The following BRD1 variants were observed in gnomAD, a reference collection of about 807,000 sequenced individuals.
BRD1 encodes the protein bromodomain containing 1, also known as bromodomain-containing protein 1.
Under a neutral mutation model 107.7 loss-of-function variants are expected in BRD1, and 24 were observed. The ratio of observed to expected loss-of-function variants is 0.22; its 90% confidence interval spans 0.16 to 0.31. The LOEUF (loss-of-function observed/expected upper bound fraction) is 0.31, where lower values mean the gene tolerates loss of function less well. Ranked by LOEUF, BRD1 falls within the 10% of genes least tolerant of loss-of-function variation. BRD1 has a pLI of 1.00. For missense variants in BRD1, 1,279 were observed against 1,638.6 expected (o/e 0.78, Z 3.79); for synonymous variants, 744 against 686.1 (o/e 1.08, Z -1.32).
At chr22:49,776,358 T>C (rs1000845411) in intron 10 of BRD1, among the ~76,000 whole-genome samples, 199 bp from the exon 11 acceptor site, 1 of 152,168 alleles carries the variant, frequency 6.6e-6, no homozygotes, top group Non-Finnish European at 1.5e-5. Context: ...GCAGCCCACC[T>C]GGGGCCACCA....
intron 6 of BRD1, among the ~76,000 whole-genome samples, chr22:49,797,271 T>C (rs1057476625): frequency 1.3e-5 from 2 of 152,216 alleles, no homozygotes; most frequent in Non-Finnish European, 1.5e-5. Flanking sequence ...CCAGAGCCCT[T>C]TCTACAACAT....
chr22:49,777,761 G>T lies in BRD1; in HGVS notation c.2910C>A (p.Gly970=). 6.2e-7 allele frequency: 1 copy of T among 1,605,422 alleles called. No individual in the cohort carries two copies. Among genetic ancestry groups the T allele is most frequent in the South Asian group, 1.1e-5 (1 of 89,750 alleles). The change falls in exon 9 of 13, where the codon GGC becomes GGA. Residue 970 remains glycine, a synonymous_variant. Transcript: ENST00000404760. ...GARSEQEPGG[G]LGRKATPRRR... is the part of the protein sequence containing the mutation. Reference sequence around the variant, plus strand: ...GTCGGGGTGTGGCCTTCCTCCCCAGGCCGCCGCCCGGCTCCTGCTCGCTCC... The same window carrying T: ...GTCGGGGTGTGGCCTTCCTCCCCAGTCCGCCGCCCGGCTCCTGCTCGCTCC...
At chr22:49,813,264 T>C (rs967071316) in intron 2 of BRD1, among the ~76,000 whole-genome samples, 15 of 152,174 alleles carry the variant, frequency 9.9e-5, no homozygotes, top group African/African-American at 3.4e-4. Context: ...GCTCTGTCGC[T>C]AGGCTGGAGT....
chr22:49,790,630 AG>A (rs2059416458), intron 7 of BRD1, among the ~76,000 whole-genome samples: 3 of 152,344 alleles, frequency 2.0e-5, no homozygotes, highest in Admixed American at 6.5e-5. Context: ...TGTCAATCAA[AG>A]GTTTCTGTAT....
chr22:49,779,967 C>T (rs1217153690), intron 8 of BRD1, among the ~76,000 whole-genome samples: 1 of 152,118 alleles, frequency 6.6e-6, no homozygotes, highest in Non-Finnish European at 1.5e-5. Flanking sequence ...CAGCCCGGCC[C>T]CCAGCACACT....
rs1421324794 is a variant in BRD1 at position 49,774,250 on chromosome 22, G to C, written c.3553C>G (p.Leu1185Val). 1 of 1,613,764 alleles carries C rather than the reference G, an allele frequency of 6.2e-7. No individual in the cohort carries two copies. The highest frequency in any genetic ancestry group is 1.7e-5 in the Admixed American group (1 of 59,990). The change falls in exon 13 of 13, where the codon CTC (leucine) becomes GTC (valine). Residue 1185 changes from leucine (L) to valine (V), a missense_variant. Leu to Val is a conservative substitution (Grantham distance 32). This residue lies in a region of BRD1 where 136 missense variants were observed against 196.8 expected (regional missense o/e 0.69). Transcript: ENST00000404760. Reference protein sequence around the residue: ...SRVHGEPTSDLSDID With the variant: ...SRVHGEPTSDVSDID ...CCGGGCCGTCAGTCAATGTCACTGA[G>C]GTCGCTGGTCGGCTCCCCGTGGACG...
intron 2 of BRD1, chr22:49,806,224 T>C (rs2059741622): frequency 6.6e-6 from 1 of 152,238 alleles, no homozygotes; most frequent in Non-Finnish European, 1.5e-5. Flanking sequence ...TTATTTCTTC[T>C]GACCCATGAG....
At chr22:49,815,267 A>C (rs903319088) in intron 2 of BRD1, among the ~76,000 whole-genome samples, 5 of 152,226 alleles carry the variant, frequency 3.3e-5, no homozygotes, top group Admixed American at 6.5e-5. Context: ...GGCCAGGCAC[A>C]GTGGCTTATG....
Position 49,804,326 on chromosome 22 carries a change from G to A in BRD1, c.1402C>T (p.Arg468Trp). The A allele has an allele frequency of 2.5e-6, 4 of 1,608,330 alleles. No individual in the cohort carries two copies. Among genetic ancestry groups the A allele is most frequent in the South Asian group, 2.2e-5 (2 of 89,632 alleles). ...NRIANQVAIQ[R>W]KKQFVERAHS... Reference sequence around the variant, plus strand: ...GCTCGCTCCACAAACTGCTTCTTCCGCTGAATGGCCACCTGATTCGCAATC... The same window carrying A: ...GCTCGCTCCACAAACTGCTTCTTCCACTGAATGGCCACCTGATTCGCAATC... The change falls in exon 3 of 13, where the codon CGG becomes TGG. Residue 468 changes from arginine to tryptophan, a missense_variant. Around this residue, in one of 7 missense-constraint regions of BRD1, gnomAD observed 87 missense variants for 77.1 expected, o/e 1.13. Coordinates refer to ENST00000404760, the MANE Select transcript of BRD1 (RefSeq NM_001304808.3).
chr22:49,777,612 G>A (rs1409107569), intron 9 of BRD1, 66 bp downstream of exon 9: 1 of 1,563,736 alleles, frequency 6.4e-7, no homozygotes, highest in Non-Finnish European at 8.6e-7. Context: ...CGGCTTCCAG[G>A]ACAGCCAGGC....
intron 6 of BRD1, 141 bp from the exon 7 acceptor site, chr22:49,794,435 G>A: frequency 9.2e-7 from 1 of 1,090,608 alleles, no homozygotes; most frequent in Non-Finnish European, 1.3e-6. Flanking sequence ...CTGCTCACCA[G>A]AGGCCCCTCC....
intron 7 of BRD1, among the ~76,000 whole-genome samples, chr22:49,789,373 G>A (rs1028693915): frequency 1.2e-4 from 18 of 152,198 alleles, no homozygotes; most frequent in Non-Finnish European, 1.5e-4. Flanking sequence ...CCTGGTGCCT[G>A]TACAGCAGCA....
rs764535212 is a variant in BRD1 at position 49,777,153 on chromosome 22, G to A, written c.3002C>T (p.Ala1001Val). ...NSPLCDSSFN[A>V]PKCGRGKPAL... ...CGGTTTGCCCCGCCCACATTTGGGC[G>A]CATTAAAGCTTCGGGAGGAAGAGCA... Residue 1001 changes from alanine to valine, a missense_variant, in exon 10 of 13, where the codon GCG (alanine) becomes GTG (valine). Ala to Val is a moderately conservative substitution (Grantham distance 64). Coordinates refer to ENST00000404760, the MANE Select transcript of BRD1 (RefSeq NM_001304808.3). The A allele has an allele frequency of 1.4e-5, 22 of 1,612,832 alleles. No individual in the cohort carries two copies. The highest frequency in any genetic ancestry group is 1.6e-4 in the Middle Eastern group (1 of 6,076).
At chr22:49,811,135 AAAAAAAACACATTTCATAAAAGAAC>A (rs1044314591) in intron 2 of BRD1, among the ~76,000 whole-genome samples, 3 of 151,654 alleles carry the variant, frequency 2.0e-5, no homozygotes, top group African/African-American at 7.3e-5. Context: ...GTGAAAGAAC[AAAAAAAACACATTTCATAAAAGAAC>A]AAAAAAACAC....
chr22:49,827,311 C>A (rs967564134), intron 1 of BRD1, among the ~76,000 whole-genome samples, 186 bp downstream of exon 1: 1 of 150,812 alleles, frequency 6.6e-6, no homozygotes, highest in Admixed American at 6.6e-5. Context: ...CCCGGTCTCC[C>A]CGCCCGGCCT....
At chr22:49,798,220 A>G in intron 5 of BRD1, 103 bp from the exon 6 acceptor site, 1 of 1,184,682 alleles carries the variant, frequency 8.4e-7, no homozygotes. Flanking sequence ...CCTATCTGAG[A>G]GCCACACACA....
intron 4 of BRD1, 64 bp from the exon 5 acceptor site, chr22:49,798,750 G>GC (rs2059584795): frequency 6.8e-7 from 1 of 1,481,242 alleles, no homozygotes. Context: ...CCCACCACGC[G>GC]CCCCACAGCC....
At position 49,797,475 on chromosome 22, in the gene BRD1, C is replaced by T. The variant is rs917439474; in HGVS notation, c.2098+330G>A. 2.6e-5 allele frequency among the ~76,000 whole-genome samples: 4 copies of T among 152,324 alleles called. No individual in the cohort carries two copies. The East Asian group carries it at 7.7e-4, about 29-fold the overall frequency. On this transcript the variant is annotated intron_variant, in intron 6 of 12. Coordinates refer to ENST00000404760, the MANE Select transcript of BRD1 (RefSeq NM_001304808.3). The stretch of plus-strand genomic sequence containing the variant: ...GTCCTCTTGGTGGGCACCCAAAACG[C>T]AGCCAGTCTGAAGTGACAGGTGCTG...
intron 8 of BRD1, among the ~76,000 whole-genome samples, chr22:49,781,510 G>A (rs1166572126): frequency 1.3e-5 from 2 of 152,240 alleles, no homozygotes; most frequent in East Asian, 3.9e-4. Context: ...CAGGCCACAG[G>A]TGTAAGAACA....
Sources: allele counts gnomAD v4.1 joint callset (sites outside exome capture counted in the v4.1 genomes callset), GRCh38; gene constraint gnomAD v4.1.1; regional missense constraint gnomAD v4.1.1; transcripts MANE v1.5; gene names NCBI Gene and HGNC (gene_info 2026-07-23, HGNC 2026-07-21).